Variants in CSNK1D observed in about 807,000 individuals in gnomAD.
CSNK1D encodes casein kinase 1 delta, also known as casein kinase I isoform delta.
In CSNK1D, 16 loss-of-function variants were observed where a neutral mutation model predicts 46.6. The observed-to-expected ratio is 0.34, with a 90% CI of 0.23 to 0.52. The LOEUF (loss-of-function observed/expected upper bound fraction) is 0.52. Among genes scored for constraint, CSNK1D ranks in the 20% least tolerant of loss-of-function variants. The pLI is 0.95. For synonymous variants in CSNK1D, 276 were observed against 228.2 expected, an observed-to-expected ratio of 1.21 and a Z score of -1.89; for missense variants, 398 against 578.4, an observed-to-expected ratio of 0.69 and a Z score of 3.20.
In CSNK1D at chr17:82,249,002, G is replaced by T. The variant is rs1297748091; in HGVS notation, c.1070C>A (p.Pro357His). 6.4e-7 allele frequency: 1 copy of T among 1,561,858 alleles called. No individual in the cohort carries two copies. Among genetic ancestry groups the T allele is most frequent in the Non-Finnish European group, 8.7e-7 (1 of 1,152,122 alleles). The change falls in exon 8 of 9, where the codon CCC (proline) becomes CAC (histidine). Residue 357 changes from proline (P) to histidine (H), a missense_variant. Physicochemically the swap from Pro to His is moderately conservative, Grantham distance 77. Coordinates refer to ENST00000314028, the MANE Select transcript of CSNK1D (RefSeq NM_001893.6). This position sits in a 1 kb window ranked among gnomAD's most constrained non-coding sequence, Gnocchi z 6.7. ...TCTCTCCATGCCGGAGACGGGCCGG[G>T]GGGAGGTGTTAGCTGAGGACAGGGA... ...TPTSHTANTS[P>H]RPVSGMERER...
In CSNK1D at chr17:82,244,585, A is replaced by G; in HGVS notation, c.*196T>C. On this transcript the variant is annotated 3_prime_UTR_variant, in exon 9 of 9. Coordinates refer to ENST00000314028, the MANE Select transcript of CSNK1D (RefSeq NM_001893.6). ...GAGTTCACGTGGGGGGCCGCAGTGC[A>G]GCCCCAGCGGTGGCAGCTCTTGGAG... 5.3e-6 allele frequency: 8 copies of G among 1,508,802 alleles called. No individual in the cohort carries two copies. Among genetic ancestry groups the G allele is most frequent in the Non-Finnish European group, 7.1e-6 (8 of 1,129,938 alleles). 93.5% of individuals were successfully genotyped at this position (1,508,802 alleles called of 1,614,324 possible).
intron 3 of CSNK1D, among the ~76,000 whole-genome samples, chr17:82,254,892 TCAGCTGAGCCGCCGGGGCCTCCAGAAGCC>T (rs2051129991): frequency 2.5e-5 from 3 of 118,040 alleles, no homozygotes; most frequent in Non-Finnish European, 5.2e-5. Flanking sequence ...GAGAAGCCAG[TCAGCTGAGCCGCCGGGGCCTCCAGAAGCC>T]AGTGAGCTGA....
At chr17:82,239,212 GGGGCCC>G (rs1362878290), downstream of CSNK1D, 1 of 383,364 alleles carries the variant, frequency 2.6e-6, no homozygotes, top group Non-Finnish European at 4.6e-6. Flanking sequence ...ATCCTCACCA[GGGGCCC>G]CGCCTGCTGC....
rs1023468489 is a variant in CSNK1D, at chr17:82,244,121, G to A, written c.*660C>T. ...TGAGACGCCAAAATCAGGTTGAAGAGGTCCCACCACACACGGGCACACACA... is the reference window on the plus strand; with the variant it reads ...TGAGACGCCAAAATCAGGTTGAAGAAGTCCCACCACACACGGGCACACACA... On this transcript the variant is annotated 3_prime_UTR_variant, in exon 9 of 9. Coordinates refer to ENST00000314028, the MANE Select transcript of CSNK1D (RefSeq NM_001893.6). The A allele has an allele frequency of 1.0e-6, 1 of 992,306 alleles. No individual in the cohort carries two copies. 61.5% of individuals were successfully genotyped at this position (992,306 alleles called of 1,614,324 possible).
Position 82,248,913 on chromosome 17 carries a change from T to G in CSNK1D, c.1159A>C (p.Thr387Pro), listed in dbSNP as rs2050922398. 15 of 1,609,684 alleles carry G rather than the reference T, an allele frequency of 9.3e-6. No homozygotes were observed. The highest frequency in any genetic ancestry group is 1.3e-5 in the Non-Finnish European group (15 of 1,177,824). The part of the protein sequence containing the change: ...APVNISSSDL[T>P]GRQDTSRMST... ...ATGCGAGAGGTATCTTGTCGGCCTGTGAGGTCGGACGAGGAGATGTTGACG... is the reference window on the plus strand; with the variant it reads ...ATGCGAGAGGTATCTTGTCGGCCTGGGAGGTCGGACGAGGAGATGTTGACG... The change falls in exon 8 of 9, where the codon ACA becomes CCA. Residue 387 changes from threonine to proline, a missense_variant. Transcript: ENST00000314028. The surrounding 1 kb of genome is among the most constrained non-coding windows in gnomAD (Gnocchi z 4.1).
chr17:82,270,865 C>A (rs187636788), intron 1 of CSNK1D, among the ~76,000 whole-genome samples: 4 of 152,306 alleles, frequency 2.6e-5, no homozygotes, highest in Admixed American at 2.6e-4. Flanking sequence ...AGAGCCACAG[C>A]CGCCCGCAAT....
chr17:82,257,876 G>A (rs917572577), intron 2 of CSNK1D, among the ~76,000 whole-genome samples: 29 of 152,204 alleles, frequency 1.9e-4, no homozygotes, highest in African/African-American at 5.8e-4. Flanking sequence ...AGCAGGGAAA[G>A]CCATGAAACG....
In CSNK1D at chr17:82,251,781, G is replaced by A. The variant is rs2051015896; in HGVS notation, c.737-254C>T. 5 of 494,294 alleles carry A rather than the reference G, an allele frequency of 1.0e-5. No homozygotes were observed. The highest frequency in any genetic ancestry group is 1.9e-5 in the Non-Finnish European group (5 of 269,042). The allele number at this position is 494,294 out of a possible 1,614,324, so 30.6% of individuals were successfully genotyped here. ...TGAGGAGGGCGGATCACGAGGTCAG[G>A]AGATCAAGACCATCCTGGCTAACAC... On this transcript the variant is annotated intron_variant, in intron 5 of 8. Coordinates refer to ENST00000314028, the MANE Select transcript of CSNK1D (RefSeq NM_001893.6). The surrounding 1 kb of genome is among the most constrained non-coding windows in gnomAD (Gnocchi z 4.5).
Position 82,250,584 on chromosome 17 carries a change from C to G in CSNK1D, c.885+795G>C, listed in dbSNP as rs1447778548. On this transcript the variant is annotated intron_variant, in intron 6 of 8. Coordinates refer to ENST00000314028, the MANE Select transcript of CSNK1D (RefSeq NM_001893.6). This position sits in a 1 kb window ranked among gnomAD's most constrained non-coding sequence, Gnocchi z 4.6. ...CTCCGGGGCCTCCAAGTACTCCCCA[C>G]GCTGATGGGCACTTGGCAAGTAAGT... 1 of 213,970 alleles carries G rather than the reference C, an allele frequency of 4.7e-6. No individual in the cohort carries two copies. The highest frequency in any genetic ancestry group is 9.8e-6 in the Non-Finnish European group (1 of 102,308). The allele number at this position is 213,970 out of a possible 1,614,324, so 13.3% of individuals were successfully genotyped here.
At chr17:82,244,870 C>G (rs1248642636) in intron 8 of CSNK1D, 39 bp from the exon 9 acceptor site, 2 of 1,612,928 alleles carry the variant, frequency 1.2e-6, no homozygotes, top group Non-Finnish European at 1.7e-6. Flanking sequence ...CAGCATGGGG[C>G]TGGGGGAGCC....
downstream of CSNK1D, chr17:82,239,966 G>A (rs966112068): frequency 3.7e-5 from 46 of 1,231,874 alleles, no homozygotes; most frequent in Admixed American, 8.4e-5. Context: ...GTCAGAGGCC[G>A]CCGGGGCCCT....
At position 82,255,462 on chromosome 17, in the gene CSNK1D, G is replaced by A; in HGVS notation, c.303C>T (p.Ser101=). 1 of 1,614,194 alleles carries A rather than the reference G, an allele frequency of 6.2e-7. No individual in the cohort carries two copies. The highest frequency in any genetic ancestry group is 8.5e-7 in the Non-Finnish European group (1 of 1,180,044). The change falls in exon 3 of 9, where the codon AGC becomes AGT. Residue 101 remains serine (S), a synonymous_variant. Coordinates refer to ENST00000314028, the MANE Select transcript of CSNK1D (RefSeq NM_001893.6). This position sits in a 1 kb window ranked among gnomAD's most constrained non-coding sequence, Gnocchi z 5.9. ...CAGCAAGCAGCAGGACGGTTTTGAGGCTGAATTTCCTGGAGCAGAAGTTGA... is the reference window on the plus strand; with the variant it reads ...CAGCAAGCAGCAGGACGGTTTTGAGACTGAATTTCCTGGAGCAGAAGTTGA... ...DLFNFCSRKF[S]LKTVLLLADQ... is the part of the protein sequence containing the mutation.
At position 82,260,342 on chromosome 17, in the gene CSNK1D, TGACTGATGTGACTGATGGTGTACG is replaced by T. The variant is rs1568574881; in HGVS notation, c.188-4789_188-4766del. On this transcript the variant is annotated intron_variant, in intron 2 of 8. Transcript: ENST00000314028. ...CTGAGTGATGTGACTGATGGTGTAC[TGACTGATGTGACTGATGGTGTACG>T]GACTGATGTGACTGATGGTGTACTG... is the stretch of plus-strand genomic sequence containing the variant. Among the ~76,000 whole-genome samples, 421 of 138,506 alleles carry T rather than the reference TGACTGATGTGACTGATGGTGTACG, an allele frequency of 3.0e-3. 1 individual carries two copies. The highest frequency in any genetic ancestry group is 9.6e-3 in the African/African-American group (385 of 40,238). The allele number at this position is 138,506 out of a possible 152,430, so 90.9% of individuals were successfully genotyped here. A position where few individuals can be genotyped will look rare whatever the true frequency, so the allele number is the denominator to read the frequency against.
chr17:82,273,572 C>G lies in CSNK1D; in HGVS notation c.-191G>C, dbSNP rs2051698712. 2 of 640,486 alleles carry G rather than the reference C, an allele frequency of 3.1e-6. No individual in the cohort carries two copies. The highest frequency in any genetic ancestry group is 5.2e-6 in the Non-Finnish European group (2 of 383,992). The allele number at this position is 640,486 out of a possible 1,614,324, so 39.7% of individuals were successfully genotyped here. A position where few individuals can be genotyped will look rare whatever the true frequency, so the allele number is the denominator to read the frequency against. ...CTCAATACGGGGCGGATGGGACAGT[C>G]CGAGCGCCGCCGCCGCTGCTCCGGC... On this transcript the variant is annotated 5_prime_UTR_variant, in exon 1 of 9. Coordinates refer to ENST00000314028, the MANE Select transcript of CSNK1D (RefSeq NM_001893.6). This position sits in a 1 kb window ranked among gnomAD's most constrained non-coding sequence, Gnocchi z 5.1.
At position 82,255,953 on chromosome 17, in the gene CSNK1D, C is replaced by T. The variant is rs190063702; in HGVS notation, c.188-376G>A. Reference sequence around the variant, plus strand: ...AAGGAGCAGCAGAGCCCGCCAGAAACGTCACACAGGAGATGGGAGGAGAGA... The same window carrying T: ...AAGGAGCAGCAGAGCCCGCCAGAAATGTCACACAGGAGATGGGAGGAGAGA... On this transcript the variant is annotated intron_variant, in intron 2 of 8. Coordinates refer to ENST00000314028, the MANE Select transcript of CSNK1D (RefSeq NM_001893.6). The surrounding 1 kb of genome is among the most constrained non-coding windows in gnomAD (Gnocchi z 5.9). Among the ~76,000 whole-genome samples the T allele has an allele frequency of 5.9e-5, 9 of 152,278 alleles. No individual in the cohort carries two copies. Among genetic ancestry groups the T allele is most frequent in the South Asian group, 4.1e-4 (2 of 4,832 alleles).
downstream of CSNK1D, among the ~76,000 whole-genome samples, chr17:82,242,194 G>A (rs1015554835): frequency 3.4e-5 from 5 of 148,584 alleles, no homozygotes; most frequent in South Asian, 2.2e-4. Flanking sequence ...CTTGGATAGG[G>A]GCCACTGCTG....
At chr17:82,240,707 C>T (rs1275150958), downstream of CSNK1D, among the ~76,000 whole-genome samples, 1 of 152,218 alleles carries the variant, frequency 6.6e-6, no homozygotes. Flanking sequence ...AGTGCTGCTC[C>T]CGGACAGACA....
chr17:82,263,564 G>A (rs533573778), intron 2 of CSNK1D, among the ~76,000 whole-genome samples: 4 of 152,220 alleles, frequency 2.6e-5, no homozygotes, highest in Admixed American at 1.3e-4. Context: ...CACTAGTGCC[G>A]AGTGGAGAAG....
At chr17:82,259,156 T>C (rs185531675) in intron 2 of CSNK1D, among the ~76,000 whole-genome samples, 3 of 152,366 alleles carry the variant, frequency 2.0e-5, no homozygotes, top group Non-Finnish European at 4.4e-5. Flanking sequence ...AAAGTTTATA[T>C]ATTTTCTGCA....
Sources: allele counts gnomAD v4.1 joint callset (sites outside exome capture counted in the v4.1 genomes callset), GRCh38; gene constraint gnomAD v4.1.1; non-coding constraint Gnocchi (gnomAD v3.1); transcripts MANE v1.5; gene names NCBI Gene and HGNC (gene_info 2026-07-23, HGNC 2026-07-21).